The following SPRR2B variants were observed in gnomAD, a reference collection of about 807,000 sequenced individuals.
SPRR2B encodes small proline rich protein 2B, also known as small proline-rich protein 2B.
Under a neutral mutation model 1.0 loss-of-function variants are expected in SPRR2B, and 1 was observed. The ratio of observed to expected loss-of-function variants is 1.01; its 90% CI spans 0.36 to 4.77. SPRR2B has a LOEUF of 4.77. SPRR2B is among the 30% of genes most tolerant of loss of function. SPRR2B has a pLI of 0.16. For missense variants in SPRR2B, 53 were observed against 88.7 expected (o/e 0.60, Z 1.62); for synonymous variants, 27 against 33.4 (o/e 0.81, Z 0.66).
At chr1:153,083,409 A>G in the SPRR2B span, among the ~76,000 whole-genome samples, 1 of 152,226 alleles carries the variant, frequency 6.6e-6, no homozygotes, top group Non-Finnish European at 1.5e-5. Context: ...CCTCATGAAT[A>G]TGATGCACAA....
At chr1:153,074,147 T>A (rs1654730259), upstream of SPRR2B, among the ~76,000 whole-genome samples, 1 of 152,214 alleles carries the variant, frequency 6.6e-6, no homozygotes, top group Non-Finnish European at 1.5e-5. Flanking sequence ...TCTCTATGAT[T>A]TCATTATTTT....
the SPRR2B span, among the ~76,000 whole-genome samples, chr1:153,085,594 T>C: frequency 8.5e-5 from 13 of 152,218 alleles, no homozygotes; most frequent in African/African-American, 2.7e-4. Flanking sequence ...TGTAACCAAC[T>C]TGAAATGTAT....
At chr1:153,081,523 G>A in the SPRR2B span, among the ~76,000 whole-genome samples, 3 of 152,138 alleles carry the variant, frequency 2.0e-5, no homozygotes, top group African/African-American at 7.2e-5. Context: ...ACTGCCTGTA[G>A]AGTTTCTGTA....
the SPRR2B span, among the ~76,000 whole-genome samples, chr1:153,077,353 G>A: frequency 6.6e-6 from 1 of 152,154 alleles, no homozygotes. Flanking sequence ...GATAAAGAGA[G>A]ACTCTCCGGT....
the SPRR2B span, among the ~76,000 whole-genome samples, chr1:153,082,527 G>A: frequency 6.6e-6 from 1 of 152,000 alleles, no homozygotes; most frequent in African/African-American, 2.4e-5. Context: ...CAATCACAAG[G>A]AAATAAAACT....
At chr1:153,084,270 A>T in the SPRR2B span, among the ~76,000 whole-genome samples, 1 of 152,004 alleles carries the variant, frequency 6.6e-6, no homozygotes, top group Non-Finnish European at 1.5e-5. Flanking sequence ...TCTCCCCACC[A>T]GTACATATGA....
chr1:153,074,738 A>G (rs1439764793), upstream of SPRR2B, among the ~76,000 whole-genome samples: 1 of 152,222 alleles, frequency 6.6e-6, no homozygotes, highest in African/African-American at 2.4e-5. Context: ...TTACTTTTCA[A>G]AGTATTCTCC....
chr1:153,079,803 C>T, the SPRR2B span, among the ~76,000 whole-genome samples: 2 of 151,988 alleles, frequency 1.3e-5, no homozygotes, highest in Non-Finnish European at 2.9e-5. Flanking sequence ...TAGCATGATG[C>T]CTCCAGCTTT....
At chr1:153,086,202 G>A in the SPRR2B span, among the ~76,000 whole-genome samples, 1 of 152,120 alleles carries the variant, frequency 6.6e-6, no homozygotes, top group Non-Finnish European at 1.5e-5. Flanking sequence ...ATGTAAATGG[G>A]CTATATGCCC....
Position 153,070,736 on chromosome 1 carries a change from G to A in SPRR2B, c.104C>T (p.Pro35Leu). 1.9e-6 allele frequency: 3 copies of A among 1,608,454 alleles called. No individual in the cohort carries two copies. The highest frequency in any genetic ancestry group is 2.5e-6 in the Non-Finnish European group (3 of 1,178,080). Residue 35 changes from proline to leucine, a missense_variant, in exon 2 of 2, where the codon CCC becomes CTC. Physicochemically the swap from Pro to Leu is moderately conservative, Grantham distance 98. Transcript: ENST00000368755. The part of the protein sequence containing the change: ...EPCPPPKCPE[P>L]CPPPKCPQPC... ...CTGTGGACACTTTGGTGGTGGGCAG[G>A]GCTCAGGGCACTTCGGGGGTGGACA...
At chr1:153,074,203 T>C (rs1255985766), upstream of SPRR2B, among the ~76,000 whole-genome samples, 2 of 152,226 alleles carry the variant, frequency 1.3e-5, no homozygotes, top group Admixed American at 1.3e-4. Flanking sequence ...TTTTAATAAT[T>C]GTTCTTTTTT....
the SPRR2B span, among the ~76,000 whole-genome samples, chr1:153,077,833 A>G: frequency 1.4e-3 from 215 of 152,316 alleles, 2 homozygotes; most frequent in African/African-American, 5.0e-3. Flanking sequence ...GAGGCTGGAT[A>G]TGAGTCAACT....
the SPRR2B span, among the ~76,000 whole-genome samples, chr1:153,079,999 A>C: frequency 6.6e-6 from 1 of 152,288 alleles, no homozygotes; most frequent in East Asian, 1.9e-4. Flanking sequence ...ATCCATGAGC[A>C]TGGAATGTTC....
chr1:153,086,476 C>T, the SPRR2B span, among the ~76,000 whole-genome samples: 1 of 152,162 alleles, frequency 6.6e-6, no homozygotes, highest in Middle Eastern at 3.2e-3. Flanking sequence ...ACAAGACAAC[C>T]TAACTATCTT....
intron 1 of SPRR2B, 114 bp from the exon 2 acceptor site, chr1:153,070,972 A>G: frequency 1.1e-6 from 1 of 939,164 alleles, no homozygotes; most frequent in Non-Finnish European, 1.5e-6. Context: ...ATTTATTTAA[A>G]CTCTTAGCTC....
chr1:153,085,883 T>G, the SPRR2B span, among the ~76,000 whole-genome samples: 1 of 152,160 alleles, frequency 6.6e-6, no homozygotes, highest in Non-Finnish European at 1.5e-5. Context: ...ATATACAACA[T>G]TCTTAGAGAA....
At chr1:153,085,340 T>C in the SPRR2B span, among the ~76,000 whole-genome samples, 1 of 152,146 alleles carries the variant, frequency 6.6e-6, no homozygotes, top group Non-Finnish European at 1.5e-5. Flanking sequence ...ATAACTGACC[T>C]GAAAAAGCTG....
intron 1 of SPRR2B, among the ~76,000 whole-genome samples, 168 bp from the exon 2 acceptor site, chr1:153,071,026 G>T (rs11590024): frequency 0.027 from 2,533 of 95,074 alleles, 125 homozygotes; most frequent in Middle Eastern, 0.06. Flanking sequence ...TTTAGCAAGT[G>T]GCTTCATCAG....
At chr1:153,073,757 A>G (rs942552082), upstream of SPRR2B, among the ~76,000 whole-genome samples, 1 of 151,318 alleles carries the variant, frequency 6.6e-6, no homozygotes, top group African/African-American at 2.4e-5. Context: ...TCTATCATCT[A>G]TCTACATGTC....
Sources: gnomAD v4.1 joint callset for allele counts (sites outside exome capture counted in the v4.1 genomes callset) on GRCh38, gnomAD v4.1.1 for gene constraint, MANE v1.5 for transcripts, NCBI Gene and HGNC (gene_info 2026-07-23, HGNC 2026-07-21) for gene names.